The following GLIS3 variants were observed in gnomAD, a reference collection of about 807,000 sequenced individuals.
The protein encoded by GLIS3 is GLIS family zinc finger 3.
A neutral mutation model predicts 78.6 loss-of-function variants in GLIS3; 53 were observed. The observed-to-expected ratio is 0.67, with a 90% confidence interval of 0.54 to 0.85. The LOEUF (loss-of-function observed/expected upper bound fraction) is 0.85. Among genes scored for constraint, GLIS3 ranks in the 40% least tolerant of loss-of-function variants. The probability of loss-of-function intolerance (pLI) is 0.00; values close to 1 mark genes in which losing one functional copy is unlikely to be tolerated. For synonymous variants in GLIS3, 684 were observed against 509.9 expected (o/e 1.34, Z -4.60); for missense variants, 1,703 against 1,231.1 (o/e 1.38, Z -5.74).
At chr9:4,046,014 CA>C (rs761751456) in intron 4 of GLIS3, among the ~76,000 whole-genome samples, 92 of 152,220 alleles carry the variant, frequency 6.0e-4, no homozygotes, top group Non-Finnish European at 1.2e-3. Flanking sequence ...GTGCAACTGC[CA>C]GGAGGCAGCA....
chr9:4,264,769 G>C (rs921300447), intron 2 of GLIS3, among the ~76,000 whole-genome samples: 3 of 152,108 alleles, frequency 2.0e-5, no homozygotes, highest in African/African-American at 2.4e-5. Context: ...TACATCATAG[G>C]TATTTACTCA....
chr9:4,261,858 A>G (rs537842616), intron 2 of GLIS3, among the ~76,000 whole-genome samples: 79 of 152,180 alleles, frequency 5.2e-4, no homozygotes, highest in Non-Finnish European at 1.1e-3. Context: ...ATGAACAGAT[A>G]TGGACTTCTT....
At position 3,824,735 on chromosome 9, in the gene GLIS3, T is replaced by G. The variant is rs1242417290; in HGVS notation, c.*3537A>C. The G allele has an allele frequency of 6.6e-6, 1 of 152,608 alleles. No individual in the cohort carries two copies. Among genetic ancestry groups the G allele is most frequent in the East Asian group, 1.9e-4 (1 of 5,200 alleles). The allele number at this position is 152,608 out of a possible 1,614,324, so 9.5% of individuals were successfully genotyped here. ...GATATATGCAGTTCATTTCTCTACG[T>G]GAGTGTATATAACTATGTACAAGAG... On this transcript the variant is annotated 3_prime_UTR_variant, in exon 11 of 11. Transcript: ENST00000381971.
At chr9:3,830,887 C>T (rs756005595) in intron 9 of GLIS3, among the ~76,000 whole-genome samples, 31 of 152,216 alleles carry the variant, frequency 2.0e-4, no homozygotes, top group Non-Finnish European at 4.0e-4. Context: ...CAACCCTTCT[C>T]ATTTCCCATT....
the GLIS3 span, among the ~76,000 whole-genome samples, chr9:4,488,294 G>A: frequency 2.6e-5 from 4 of 152,052 alleles, no homozygotes; most frequent in African/African-American, 4.8e-5. Flanking sequence ...AATTGTACAT[G>A]CAATTTTAGT....
intron 2 of GLIS3, among the ~76,000 whole-genome samples, chr9:4,311,030 G>C (rs1305825976): frequency 6.6e-6 from 1 of 152,218 alleles, no homozygotes; most frequent in East Asian, 1.9e-4. Context: ...AACTTCTAAG[G>C]ATGGGGACTT....
chr9:4,484,403 A>C, the GLIS3 span, among the ~76,000 whole-genome samples: 1 of 104,544 alleles, frequency 9.6e-6, no homozygotes, highest in African/African-American at 3.9e-5. Context: ...ATGCCAGGCT[A>C]ATTTTTTTTT....
the GLIS3 span, among the ~76,000 whole-genome samples, chr9:4,398,284 CA>C: frequency 2.0e-5 from 3 of 151,886 alleles, no homozygotes. Flanking sequence ...CCTTGATACT[CA>C]AAATATGATC....
the GLIS3 span, among the ~76,000 whole-genome samples, chr9:4,416,247 G>GCT: frequency 1.8e-5 from 1 of 54,332 alleles, no homozygotes; most frequent in Admixed American, 2.6e-4. Flanking sequence ...GTGAGACACT[G>GCT]TTTTTAAAAA....
chr9:4,191,907 A>G (rs1053062696), intron 2 of GLIS3, among the ~76,000 whole-genome samples: 2 of 152,152 alleles, frequency 1.3e-5, no homozygotes, highest in African/African-American at 4.8e-5. Context: ...TTCTAAAGCA[A>G]GAGAAACAAA....
chr9:4,197,943 A>C (rs991128528), intron 2 of GLIS3, among the ~76,000 whole-genome samples: 7 of 138,620 alleles, frequency 5.0e-5, no homozygotes, highest in African/African-American at 1.7e-4. Context: ...AGGGAGAGGG[A>C]AAGAGAAAGA....
At chr9:4,413,681 C>T in the GLIS3 span, among the ~76,000 whole-genome samples, 4 of 152,028 alleles carry the variant, frequency 2.6e-5, no homozygotes, top group African/African-American at 9.7e-5. Flanking sequence ...ACATTGCCAC[C>T]CAGACGTTGC....
intron 2 of GLIS3, among the ~76,000 whole-genome samples, chr9:4,238,970 G>C (rs944384366): frequency 6.6e-6 from 1 of 151,966 alleles, no homozygotes; most frequent in Non-Finnish European, 1.5e-5. Context: ...AGTTTGCTGA[G>C]AATGATGGTT....
chr9:3,949,155 A>G (rs1816500623), intron 4 of GLIS3, among the ~76,000 whole-genome samples: 1 of 152,242 alleles, frequency 6.6e-6, no homozygotes, highest in Non-Finnish European at 1.5e-5. Flanking sequence ...ATGTCTCAGA[A>G]GGAATCCAGT....
chr9:4,402,443 C>A, the GLIS3 span, among the ~76,000 whole-genome samples: 2 of 152,158 alleles, frequency 1.3e-5, no homozygotes, highest in African/African-American at 4.8e-5. Flanking sequence ...GCATCAACAC[C>A]ATCCAGGAAA....
At chr9:4,419,518 G>A in the GLIS3 span, among the ~76,000 whole-genome samples, 8 of 152,132 alleles carry the variant, frequency 5.3e-5, no homozygotes, top group South Asian at 6.2e-4. Context: ...GGCCAGGTGC[G>A]GTGGCTCATG....
At chr9:4,235,402 C>T (rs184659327) in intron 2 of GLIS3, among the ~76,000 whole-genome samples, 3 of 152,168 alleles carry the variant, frequency 2.0e-5, no homozygotes, top group South Asian at 2.1e-4. Flanking sequence ...CATGTGCCAC[C>T]GCTTAAGACT....
chr9:4,291,139 G>A (rs575540031), intron 1 of GLIS3, among the ~76,000 whole-genome samples: 1 of 152,244 alleles, frequency 6.6e-6, no homozygotes, highest in East Asian at 1.9e-4. Flanking sequence ...GCACTCCCAA[G>A]GCCTAACGTT....
intron 7 of GLIS3, among the ~76,000 whole-genome samples, chr9:3,889,110 T>G (rs551402770): frequency 5.0e-4 from 76 of 152,222 alleles, no homozygotes; most frequent in Non-Finnish European, 9.3e-4. Context: ...AAAAAAAATC[T>G]TGGGCAGAAT....
Sources: gnomAD v4.1 joint callset for allele counts (sites outside exome capture counted in the v4.1 genomes callset) on GRCh38, gnomAD v4.1.1 for gene constraint, MANE v1.5 for transcripts, NCBI Gene and HGNC (gene_info 2026-07-23, HGNC 2026-07-21) for gene names.